The following CHN2 variants were observed in gnomAD, a reference collection of about 807,000 sequenced individuals.
The protein encoded by CHN2 is chimerin 2.
Under a neutral mutation model 56.3 loss-of-function variants are expected in CHN2, and 35 were observed. That is an observed-to-expected ratio of 0.62 (90% CI 0.47 to 0.82). The LOEUF (loss-of-function observed/expected upper bound fraction) is 0.82. CHN2 is among the 40% of genes least tolerant of loss of function. The probability of loss-of-function intolerance (pLI) is 0.00; values close to 1 mark genes in which losing one functional copy is unlikely to be tolerated. For missense variants in CHN2, 491 were observed against 580.5 expected (o/e 0.85, Z 1.58); for synonymous variants, 210 against 212.8 (o/e 0.99, Z 0.12).
intron 6 of CHN2, among the ~76,000 whole-genome samples, chr7:29,469,081 G>A (rs1440682021): frequency 6.6e-6 from 1 of 152,094 alleles, no homozygotes; most frequent in Non-Finnish European, 1.5e-5. Context: ...CTCATTTAAT[G>A]GAAACTTCAT....
rs192887483 is a variant in CHN2 at position 29,167,918 on chromosome 7, C to T, written c.274+20958C>T. Among the ~76,000 whole-genome samples, 60 of 152,332 alleles carry T rather than the reference C, an allele frequency of 3.9e-4. 1 individual carries two copies. The East Asian group carries it at 6.4e-3, about 16-fold the overall frequency. ...AAAAACCCCCATGCTTTCCTTCCCT[C>T]TGACAAGGAGGCCTACAACATCGGA... On this transcript the variant is annotated intron_variant, in intron 2 of 6. Transcript: ENST00000439384.
intron 1 of CHN2, among the ~76,000 whole-genome samples, chr7:29,299,650 C>G (rs1793484836): frequency 6.6e-6 from 1 of 152,034 alleles, no homozygotes; most frequent in Admixed American, 6.6e-5. Flanking sequence ...TATTAATGCA[C>G]ATGACTCAAA....
chr7:29,500,158 T>C (rs1789801366), intron 9 of CHN2, 118 bp downstream of exon 9: 1 of 676,842 alleles, frequency 1.5e-6, no homozygotes, highest in Non-Finnish European at 2.3e-6. Context: ...GACCTACGCA[T>C]GTGTGCGCAC....
In CHN2 at chr7:29,220,306, C is replaced by A. The variant is rs961112118; in HGVS notation, c.49+25316C>A. On this transcript the variant is annotated intron_variant, in intron 1 of 12. Transcript: ENST00000222792. ...AGAGAGAGAGAGAGAGAGAGAAAGC[C>A]AAAATAAGCAGTAATTATAGAAGTA... is the stretch of plus-strand genomic sequence containing the variant. Among the ~76,000 whole-genome samples, 236 of 82,716 alleles carry A rather than the reference C, an allele frequency of 2.9e-3. 1 individual carries two copies. Among genetic ancestry groups the A allele is most frequent in the African/African-American group, 9.8e-3 (215 of 21,864 alleles). The allele number at this position is 82,716 out of a possible 152,430, so 54.3% of individuals were successfully genotyped here. A position where few individuals can be genotyped will look rare whatever the true frequency, so the allele number is the denominator to read the frequency against.
intron 1 of CHN2, among the ~76,000 whole-genome samples, chr7:29,226,098 T>G (rs1786169627): frequency 6.6e-6 from 1 of 152,206 alleles, no homozygotes; most frequent in South Asian, 2.1e-4. Flanking sequence ...AAAAATATCT[T>G]TTGAGACATA....
At chr7:29,442,893 T>C (rs1022415327) in intron 6 of CHN2, among the ~76,000 whole-genome samples, 34 of 151,064 alleles carry the variant, frequency 2.3e-4, no homozygotes, top group African/African-American at 7.8e-4. Context: ...TTCTATGATT[T>C]TCTCCACTTA....
At chr7:29,219,223 G>C (rs1006443044) in intron 1 of CHN2, among the ~76,000 whole-genome samples, 1 of 152,106 alleles carries the variant, frequency 6.6e-6, no homozygotes, top group Non-Finnish European at 1.5e-5. Context: ...TCCCACCACT[G>C]TGTAGGAAGC....
At chr7:29,212,948 G>A (rs544300076) in intron 1 of CHN2, 1 of 1,609,896 alleles carries the variant, frequency 6.2e-7, no homozygotes, top group Non-Finnish European at 8.5e-7. Flanking sequence ...TAGTGCTGGA[G>A]CAACCACTCC....
intron 3 of CHN2, among the ~76,000 whole-genome samples, chr7:29,369,005 C>G (rs1198150306): frequency 1.3e-5 from 2 of 152,142 alleles, no homozygotes; most frequent in African/African-American, 4.8e-5. Context: ...TGTCCTGTCA[C>G]TAACTCTGCG....
At chr7:29,416,034 G>A (rs200101290) in intron 6 of CHN2, among the ~76,000 whole-genome samples, 1 of 152,182 alleles carries the variant, frequency 6.6e-6, no homozygotes, top group Non-Finnish European at 1.5e-5. Context: ...ATTCCACGGG[G>A]TTGGATAAAT....
intron 7 of CHN2, among the ~76,000 whole-genome samples, chr7:29,482,789 A>T (rs1388800985): frequency 3.5e-5 from 4 of 115,544 alleles, no homozygotes; most frequent in Non-Finnish European, 7.2e-5. Flanking sequence ...TGCTGTCTGC[A>T]CTTTTTTCTT....
chr7:29,228,255 G>A (rs939428670), intron 1 of CHN2, among the ~76,000 whole-genome samples: 4 of 151,834 alleles, frequency 2.6e-5, no homozygotes, highest in African/African-American at 2.4e-5. Context: ...TGATGTTTCC[G>A]TCATCGACAG....
chr7:29,311,562 C>G (rs1319474860), intron 1 of CHN2, among the ~76,000 whole-genome samples: 1 of 152,210 alleles, frequency 6.6e-6, no homozygotes, highest in African/African-American at 2.4e-5. Flanking sequence ...CAGATAGGGA[C>G]TAATAAGATT....
intron 9 of CHN2, among the ~76,000 whole-genome samples, chr7:29,500,538 A>C (rs10276526): frequency 0.31 from 46,816 of 151,990 alleles, 8,022 homozygotes; most frequent in African/African-American, 0.46. Flanking sequence ...TGAGGCATGG[A>C]AGAAATTCAT....
chr7:29,160,896 C>T (rs886231755), intron 2 of CHN2, among the ~76,000 whole-genome samples: 6 of 152,064 alleles, frequency 3.9e-5, no homozygotes, highest in African/African-American at 7.2e-5. Flanking sequence ...TTTTGATTAA[C>T]GTGAAAAGCT....
At chr7:29,302,754 C>G (rs1349095719) in intron 1 of CHN2, among the ~76,000 whole-genome samples, 2 of 152,126 alleles carry the variant, frequency 1.3e-5, no homozygotes, top group Non-Finnish European at 1.5e-5. Context: ...TAAACAATAA[C>G]TCTCTATTCT....
chr7:29,505,720 C>A (rs568826418), intron 10 of CHN2, among the ~76,000 whole-genome samples: 1 of 152,156 alleles, frequency 6.6e-6, no homozygotes, highest in East Asian at 1.9e-4. Flanking sequence ...TTTTCCACAT[C>A]CCCCCACATT....
intron 3 of CHN2, among the ~76,000 whole-genome samples, chr7:29,371,265 A>G (rs1799588931): frequency 6.6e-6 from 1 of 152,212 alleles, no homozygotes; most frequent in Admixed American, 6.5e-5. Context: ...TTAAGCAACC[A>G]GGAAAAAAGA....
At chr7:29,458,758 G>A (rs559153992) in intron 6 of CHN2, among the ~76,000 whole-genome samples, 20 of 152,294 alleles carry the variant, frequency 1.3e-4, no homozygotes, top group Middle Eastern at 3.4e-3. Context: ...TCTATCAAGC[G>A]TCTTAGTTTC....
Sources: allele counts gnomAD v4.1 joint callset (sites outside exome capture counted in the v4.1 genomes callset), GRCh38; gene constraint gnomAD v4.1.1; transcripts MANE v1.5; gene names NCBI Gene and HGNC (gene_info 2026-07-23, HGNC 2026-07-21).